EML1: variants seen among roughly 807,000 people sequenced by gnomAD.
EML1 encodes the protein echinoderm microtubule-associated protein-like 1.
Under a neutral mutation model 110.4 loss-of-function variants are expected in EML1, and 27 were observed. The observed-to-expected ratio is 0.24, with a 90% CI of 0.18 to 0.34. EML1 has a LOEUF of 0.34. Ranked by LOEUF, EML1 falls within the 10% of genes least tolerant of loss-of-function variation. The pLI is 1.00. For synonymous variants in EML1, 344 were observed against 385.8 expected (o/e 0.89, Z 1.27); for missense variants, 741 against 1,030.9 (o/e 0.72, Z 3.85).
At chr14:99,802,603 T>G (rs1428127379) in intron 1 of EML1, among the ~76,000 whole-genome samples, 1 of 152,192 alleles carries the variant, frequency 6.6e-6, no homozygotes, top group East Asian at 1.9e-4. Flanking sequence ...CTCTGATGCC[T>G]GCAACTGGAG....
chr14:99,811,926 A>G (rs1013471830), intron 1 of EML1, among the ~76,000 whole-genome samples: 7 of 151,904 alleles, frequency 4.6e-5, no homozygotes, highest in Non-Finnish European at 8.8e-5. Context: ...AAGGTCTTCA[A>G]CCTCATTGTC....
intron 1 of EML1, among the ~76,000 whole-genome samples, chr14:99,740,264 C>G (rs2057026762): frequency 6.6e-6 from 1 of 152,274 alleles, no homozygotes; most frequent in Non-Finnish European, 1.5e-5. Context: ...TGGTCAATGG[C>G]AGAGCAGGGA....
chr14:99,865,009 G>A (rs932186194), intron 2 of EML1, among the ~76,000 whole-genome samples: 4 of 152,076 alleles, frequency 2.6e-5, no homozygotes, highest in African/African-American at 9.7e-5. Context: ...GGGTGGTGGG[G>A]ATGGTTTTGG....
intron 1 of EML1, chr14:99,838,930 T>TGTGTGTGTGCGC (rs35886892): frequency 2.1e-4 from 31 of 148,568 alleles, no homozygotes; most frequent in African/African-American, 5.2e-4. Flanking sequence ...TGTGTGTGTG[T>TGTGTGTGTGCGC]GCGCGCGCGC....
At chr14:99,761,258 CT>C (rs2057311116) in intron 1 of EML1, among the ~76,000 whole-genome samples, 2 of 152,236 alleles carry the variant, frequency 1.3e-5, no homozygotes, top group African/African-American at 4.8e-5. Flanking sequence ...CTCCCCACCC[CT>C]GTCAGCTCCA....
intron 1 of EML1, among the ~76,000 whole-genome samples, chr14:99,832,056 C>T (rs187883435): frequency 1.9e-4 from 29 of 152,268 alleles, no homozygotes; most frequent in African/African-American, 6.5e-4. Flanking sequence ...TCCCTGCCCC[C>T]CTCCACTCCA....
chr14:99,870,642 A>G (rs976472042), intron 3 of EML1, among the ~76,000 whole-genome samples: 7 of 152,222 alleles, frequency 4.6e-5, no homozygotes, highest in Admixed American at 1.3e-4. Flanking sequence ...GTGTTCATTT[A>G]TCATTCCAAA....
At chr14:99,770,815 C>T (rs939020827), upstream of EML1, among the ~76,000 whole-genome samples, 3 of 94,168 alleles carry the variant, frequency 3.2e-5, no homozygotes, top group East Asian at 4.4e-4. Flanking sequence ...GACGGAGTCT[C>T]GCTCTGTTGT....
chr14:99,754,413 G>A lies in EML1; in HGVS notation c.28+16553G>A, dbSNP rs965129691. On this transcript the variant is annotated intron_variant, in intron 1 of 10. Transcript: ENST00000554479. Reference sequence around the variant, plus strand: ...CGTTTGAAGCTATGGGAGTCCTCTGGGGGTGCAAAGGGCTCCACCAGACCT... The same window carrying A: ...CGTTTGAAGCTATGGGAGTCCTCTGAGGGTGCAAAGGGCTCCACCAGACCT... 3.9e-5 allele frequency among the ~76,000 whole-genome samples: 6 copies of A among 152,174 alleles called. 1 individual carries two copies. The highest frequency in any genetic ancestry group is 1.4e-4 in the African/African-American group (6 of 41,442).
chr14:99,767,211 G>C (rs141713598), intron 1 of EML1, among the ~76,000 whole-genome samples: 2 of 152,236 alleles, frequency 1.3e-5, no homozygotes, highest in Non-Finnish European at 2.9e-5. Flanking sequence ...TACTATAGCC[G>C]AGAGGGAGCA....
At chr14:99,927,763 ATAGTAG>A (rs2060261227) in intron 17 of EML1, among the ~76,000 whole-genome samples, 3 of 81,968 alleles carry the variant, frequency 3.7e-5, no homozygotes, top group African/African-American at 1.0e-4. Context: ...AGTGGTGGTG[ATAGTAG>A]TGGTGGTGGT....
At chr14:99,918,407 T>C (rs1306169310) in intron 16 of EML1, among the ~76,000 whole-genome samples, 2 of 152,218 alleles carry the variant, frequency 1.3e-5, no homozygotes, top group Non-Finnish European at 2.9e-5. Flanking sequence ...CACACACATT[T>C]TGCCTACAAT....
chr14:99,834,556 C>T (rs867584847), intron 1 of EML1, among the ~76,000 whole-genome samples: 19 of 152,100 alleles, frequency 1.2e-4, no homozygotes, highest in African/African-American at 4.1e-4. Flanking sequence ...CCCGTGGCCT[C>T]CCAAAGTGCT....
At chr14:99,826,465 C>T (rs2058360697) in intron 1 of EML1, among the ~76,000 whole-genome samples, 1 of 152,116 alleles carries the variant, frequency 6.6e-6, no homozygotes, top group Non-Finnish European at 1.5e-5. Context: ...TGTGGATGCA[C>T]TGTACAATTC....
intron 2 of EML1, among the ~76,000 whole-genome samples, chr14:99,852,889 C>G (rs1260158217): frequency 1.3e-5 from 2 of 152,156 alleles, no homozygotes; most frequent in Non-Finnish European, 2.9e-5. Flanking sequence ...ATCTTTTTTC[C>G]TCCTGAGTTA....
intron 6 of EML1, among the ~76,000 whole-genome samples, chr14:99,895,017 T>A (rs1361980409): frequency 6.6e-6 from 1 of 152,186 alleles, no homozygotes; most frequent in East Asian, 1.9e-4. Context: ...ATAGCTGTGG[T>A]TCTGGCTCAA....
chr14:99,800,640 T>C (rs925084054), intron 1 of EML1, among the ~76,000 whole-genome samples: 3 of 152,230 alleles, frequency 2.0e-5, no homozygotes, highest in African/African-American at 7.2e-5. Context: ...AGATTAAGCA[T>C]GAGCCCCTGC....
intron 1 of EML1, among the ~76,000 whole-genome samples, chr14:99,812,717 A>G (rs1690230278): frequency 6.6e-6 from 1 of 152,164 alleles, no homozygotes; most frequent in South Asian, 2.1e-4. Flanking sequence ...AGAAAGTTTC[A>G]GGGGTCAAGG....
chr14:99,825,401 G>A (rs1241441024), intron 1 of EML1, among the ~76,000 whole-genome samples: 2 of 152,148 alleles, frequency 1.3e-5, no homozygotes, highest in African/African-American at 2.4e-5. Context: ...TTGATACAAT[G>A]ATTTCACTTC....
Sources: allele counts gnomAD v4.1 joint callset (sites outside exome capture counted in the v4.1 genomes callset), GRCh38; gene constraint gnomAD v4.1.1; transcripts MANE v1.5; gene names NCBI Gene and HGNC (gene_info 2026-07-23, HGNC 2026-07-21).